LRP1B: variants seen among roughly 807,000 people sequenced by gnomAD.
The protein encoded by LRP1B is low-density lipoprotein receptor-related protein 1B.
In LRP1B, 217 loss-of-function variants were observed where a neutral mutation model predicts 556.6. The ratio of observed to expected loss-of-function variants is 0.39; its 90% confidence interval spans 0.35 to 0.44. The LOEUF (loss-of-function observed/expected upper bound fraction) is 0.44. Ranked by LOEUF, LRP1B falls within the 20% of genes least tolerant of loss-of-function variation. LRP1B has a pLI of 1.00. For synonymous variants in LRP1B, 2,047 were observed against 1,865.8 expected (o/e 1.10, Z -2.50); for missense variants, 5,053 against 5,620.8 (o/e 0.90, Z 3.23).
rs139208742 is a variant in LRP1B, at chr2:140,706,753, T to C, written c.6024-4200A>G. 4.0e-3 allele frequency among the ~76,000 whole-genome samples: 602 copies of C among 152,244 alleles called. 4 individuals carry two copies. Among genetic ancestry groups the C allele is most frequent in the African/African-American group, 0.013 (526 of 41,558 alleles). On this transcript the variant is annotated intron_variant, in intron 37 of 90. Coordinates refer to ENST00000389484, the MANE Select transcript of LRP1B (RefSeq NM_018557.3). ...ACCCTTAATGGACCCTGAAAGTTAA[T>C]TGTATTTGTCTTCTGACAACTGTAC...
intron 7 of LRP1B, among the ~76,000 whole-genome samples, chr2:141,177,260 T>A (rs573024343): frequency 2.0e-5 from 3 of 152,226 alleles, no homozygotes. Context: ...AATATGTGCA[T>A]TGGGCTCTAA....
chr2:141,828,577 C>G (rs1263083487), intron 1 of LRP1B, among the ~76,000 whole-genome samples: 1 of 152,112 alleles, frequency 6.6e-6, no homozygotes, highest in Non-Finnish European at 1.5e-5. Context: ...TCATCATATC[C>G]TTTGCAGGAG....
chr2:140,623,902 C>G (rs7592353), intron 41 of LRP1B, among the ~76,000 whole-genome samples: 73,129 of 145,468 alleles, frequency 0.5, 18,897 homozygotes, highest in African/African-American at 0.62. Flanking sequence ...CTGGGCAACA[C>G]AGCGAGACTT....
At chr2:140,244,363 G>A (rs1009212870) in intron 87 of LRP1B, among the ~76,000 whole-genome samples, 5 of 151,154 alleles carry the variant, frequency 3.3e-5, no homozygotes, top group African/African-American at 4.8e-5. Flanking sequence ...GTAAAATACA[G>A]CATCTCTACA....
chr2:140,906,915 G>C (rs959573362), intron 22 of LRP1B, among the ~76,000 whole-genome samples: 1 of 147,446 alleles, frequency 6.8e-6, no homozygotes, highest in East Asian at 2.0e-4. Context: ...TGCATTCACT[G>C]TTTCAAGGTT....
In LRP1B at chr2:141,571,179, A is replaced by G. The variant is rs911271086; in HGVS notation, c.206-90646T>C. Among the ~76,000 whole-genome samples the G allele has an allele frequency of 1.3e-5, 2 of 151,020 alleles. 1 individual carries two copies. The highest frequency in any genetic ancestry group is 4.8e-5 in the African/African-American group (2 of 41,346). ...TGGCATCAGGTTATAGCCCCTTGAG[A>G]TCAGAGGTCCCAGAAGAAGGAGCAG... On this transcript the variant is annotated intron_variant, in intron 2 of 90. Transcript: ENST00000389484.
chr2:141,436,785 G>T (rs1411821305), intron 3 of LRP1B, among the ~76,000 whole-genome samples: 1 of 152,142 alleles, frequency 6.6e-6, no homozygotes, highest in Non-Finnish European at 1.5e-5. Flanking sequence ...TCAAAATAGA[G>T]GAGGTGGGAG....
chr2:140,303,937 G>T (rs1382410785), intron 83 of LRP1B, among the ~76,000 whole-genome samples: 3 of 151,916 alleles, frequency 2.0e-5, no homozygotes, highest in African/African-American at 7.3e-5. Flanking sequence ...GTGATAGTTT[G>T]CTGAGAATGA....
At chr2:140,467,341 T>C (rs901408646) in intron 60 of LRP1B, among the ~76,000 whole-genome samples, 4 of 151,966 alleles carry the variant, frequency 2.6e-5, no homozygotes, top group Admixed American at 2.6e-4. Context: ...CAGTGGCTCA[T>C]GCCTGTAATC....
intron 66 of LRP1B, among the ~76,000 whole-genome samples, chr2:140,398,860 T>A (rs1684369802): frequency 1.3e-5 from 2 of 152,162 alleles, no homozygotes; most frequent in Admixed American, 1.3e-4. Context: ...ATGTATAACT[T>A]GTGATGAATG....
intron 7 of LRP1B, among the ~76,000 whole-genome samples, chr2:141,077,585 G>T (rs75067050): frequency 1.3e-5 from 2 of 152,124 alleles, no homozygotes; most frequent in African/African-American, 4.8e-5. Flanking sequence ...TTTAAGTAAA[G>T]ATGATTATCT....
At position 140,307,298 on chromosome 2, in the gene LRP1B, C is replaced by G. The variant is rs538655186; in HGVS notation, c.12805+7637G>C. 7.2e-5 allele frequency among the ~76,000 whole-genome samples: 11 copies of G among 152,010 alleles called. No individual in the cohort carries two copies. The South Asian group carries it at 2.1e-3, about 29-fold the overall frequency. On this transcript the variant is annotated intron_variant, in intron 83 of 90. Transcript: ENST00000389484. Reference sequence around the variant, plus strand: ...TTGTGTACAGGTAAAACACATGGCACAATGCCTGCCACATAGCCAGTCCAC... The same window carrying G: ...TTGTGTACAGGTAAAACACATGGCAGAATGCCTGCCACATAGCCAGTCCAC...
intron 7 of LRP1B, among the ~76,000 whole-genome samples, chr2:141,166,050 A>C (rs1024023336): frequency 6.6e-6 from 1 of 151,924 alleles, no homozygotes; most frequent in Admixed American, 6.6e-5. Flanking sequence ...GCTCCCCACT[A>C]ATCTCCCCAT....
intron 2 of LRP1B, among the ~76,000 whole-genome samples, chr2:141,803,266 A>G (rs1290304020): frequency 1.3e-5 from 2 of 150,136 alleles, no homozygotes; most frequent in African/African-American, 2.5e-5. Flanking sequence ...CCATTAGTGC[A>G]TTGTGAGAGC....
intron 66 of LRP1B, among the ~76,000 whole-genome samples, chr2:140,423,631 G>A (rs1685540680): frequency 6.6e-6 from 1 of 151,836 alleles, no homozygotes; most frequent in South Asian, 2.1e-4. Flanking sequence ...TGCTTATATT[G>A]GGAGGAACTT....
chr2:140,248,228 C>G (rs1437970946), intron 86 of LRP1B, among the ~76,000 whole-genome samples: 1 of 151,638 alleles, frequency 6.6e-6, no homozygotes, highest in Non-Finnish European at 1.5e-5. Flanking sequence ...TGTCCTAAAA[C>G]ATGGGCAAAT....
intron 15 of LRP1B, 28 bp downstream of exon 15, chr2:141,005,307 A>T: frequency 6.2e-7 from 1 of 1,605,794 alleles, no homozygotes. Flanking sequence ...CCCGATAAAC[A>T]AATAAGGGTA....
chr2:141,570,905 CCCTGGG>C (rs1340686929), intron 2 of LRP1B, among the ~76,000 whole-genome samples: 89 of 150,760 alleles, frequency 5.9e-4, no homozygotes, highest in African/African-American at 2.1e-3. Context: ...ATCTGGATCT[CCCTGGG>C]CCTGAGCCCC....
chr2:140,902,300 C>T (rs1694127594), intron 23 of LRP1B, among the ~76,000 whole-genome samples: 1 of 151,994 alleles, frequency 6.6e-6, no homozygotes. Context: ...TTTCACGCTA[C>T]TCTTACAACA....
Sources: allele counts gnomAD v4.1 joint callset (sites outside exome capture counted in the v4.1 genomes callset), GRCh38; gene constraint gnomAD v4.1.1; transcripts MANE v1.5; gene names NCBI Gene and HGNC (gene_info 2026-07-23, HGNC 2026-07-21).